ADAMTS6: variants seen among roughly 807,000 people sequenced by gnomAD.
ADAMTS6 encodes the protein A disintegrin and metalloproteinase with thrombospondin motifs 6.
ADAMTS6 carries 23 observed loss-of-function variants against 144.3 expected under a neutral mutation model. The observed-to-expected ratio is 0.16, with a 90% CI of 0.11 to 0.23. The LOEUF (loss-of-function observed/expected upper bound fraction) is 0.23, where lower values mean the gene tolerates loss of function less well. Among genes scored for constraint, ADAMTS6 ranks in the 10% least tolerant of loss-of-function variants. ADAMTS6 has a pLI of 1.00. For synonymous variants in ADAMTS6, 444 were observed against 457.5 expected, an observed-to-expected ratio of 0.97 and a Z score of 0.38; for missense variants, 999 against 1,379.6, an observed-to-expected ratio of 0.72 and a Z score of 4.37.
At chr5:65,341,631 T>C (rs1747835203) in intron 7 of ADAMTS6, among the ~76,000 whole-genome samples, 1 of 152,048 alleles carries the variant, frequency 6.6e-6, no homozygotes, top group African/African-American at 2.4e-5. Flanking sequence ...ACATGCAACT[T>C]ACTAAGGTTG....
At chr5:65,250,223 C>T (rs188727053) in intron 14 of ADAMTS6, among the ~76,000 whole-genome samples, 1 of 152,306 alleles carries the variant, frequency 6.6e-6, no homozygotes, top group East Asian at 1.9e-4. Context: ...TGTCAAACAA[C>T]TCTGCAAGTT....
chr5:65,453,039 G>T, intron 4 of ADAMTS6, 121 bp from the exon 5 acceptor site: 2 of 763,752 alleles, frequency 2.6e-6, no homozygotes, highest in Non-Finnish European at 3.9e-6. Context: ...AAAGAGAAGA[G>T]AATGAGAAAA....
At chr5:65,177,063 G>T (rs1754024054) in intron 22 of ADAMTS6, among the ~76,000 whole-genome samples, 1 of 152,136 alleles carries the variant, frequency 6.6e-6, no homozygotes, top group African/African-American at 2.4e-5. Context: ...CCAGCCTGAA[G>T]ATCACCTTCT....
chr5:65,190,020 T>A (rs932595036), intron 21 of ADAMTS6, among the ~76,000 whole-genome samples: 1 of 152,256 alleles, frequency 6.6e-6, no homozygotes, highest in Non-Finnish European at 1.5e-5. Context: ...CAGTTTTGTA[T>A]ACGGAAGATA....
intron 6 of ADAMTS6, 148 bp from the exon 7 acceptor site, chr5:65,451,768 C>G: frequency 3.3e-6 from 3 of 913,166 alleles, no homozygotes; most frequent in Non-Finnish European, 4.9e-6. Context: ...AATATCTGAC[C>G]TAGAGCTCAT....
At chr5:65,452,577 C>T in intron 5 of ADAMTS6, 130 bp downstream of exon 5, 1 of 912,954 alleles carries the variant, frequency 1.1e-6, no homozygotes, top group South Asian at 1.9e-5. Context: ...TGAAACATTA[C>T]TAGACCAATT....
chr5:65,428,663 G>C (rs1239476492), intron 7 of ADAMTS6, among the ~76,000 whole-genome samples: 1 of 152,130 alleles, frequency 6.6e-6, no homozygotes, highest in Non-Finnish European at 1.5e-5. Context: ...TTGCATGTTT[G>C]AATTTTCCTG....
At position 65,291,484 on chromosome 5, in the gene ADAMTS6, AG is replaced by A. The variant is rs535888832; in HGVS notation, c.1371-15del. On this transcript the variant is annotated splice_polypyrimidine_tract_variant and intron_variant, in intron 10 of 24. Coordinates refer to ENST00000381055, the MANE Select transcript of ADAMTS6 (RefSeq NM_197941.4). ...CCACGGCCTGAACTGTTCAACATAA[AG>A]GATCAAAGGAAATTAGGTATTCTAT... 4,093 of 1,587,760 alleles carry A rather than the reference AG, an allele frequency of 2.6e-3. 5 individuals are homozygous for A. Among genetic ancestry groups the A allele is most frequent in the Non-Finnish European group, 3.2e-3 (3,731 of 1,168,292 alleles).
At chr5:65,271,194 C>G (rs1158873125) in intron 12 of ADAMTS6, among the ~76,000 whole-genome samples, 5 of 151,820 alleles carry the variant, frequency 3.3e-5, no homozygotes, top group African/African-American at 1.2e-4. Context: ...TGGAGACCAG[C>G]CTGGCCAAAG....
chr5:65,247,838 T>C (rs1383978276), intron 14 of ADAMTS6, among the ~76,000 whole-genome samples: 1 of 152,164 alleles, frequency 6.6e-6, no homozygotes, highest in South Asian at 2.1e-4. Flanking sequence ...TCATACCAAA[T>C]TCACTCTTGC....
chr5:65,292,358 C>T (rs1343740385), intron 10 of ADAMTS6, among the ~76,000 whole-genome samples: 1 of 149,834 alleles, frequency 6.7e-6, no homozygotes, highest in Non-Finnish European at 1.5e-5. Flanking sequence ...TTTTTTCCAA[C>T]ATTCCTGTCC....
At chr5:65,180,689 T>C (rs750509452) in intron 22 of ADAMTS6, among the ~76,000 whole-genome samples, 5 of 148,018 alleles carry the variant, frequency 3.4e-5, no homozygotes, top group Non-Finnish European at 7.4e-5. Flanking sequence ...AATCCAATTA[T>C]ACTGCATTTT....
chr5:65,287,216 C>T (rs1741755603), intron 11 of ADAMTS6, among the ~76,000 whole-genome samples: 1 of 152,098 alleles, frequency 6.6e-6, no homozygotes, highest in South Asian at 2.1e-4. Context: ...TTTCAGACAT[C>T]TGATAACTTA....
chr5:65,407,708 T>C (rs987693806), intron 7 of ADAMTS6, among the ~76,000 whole-genome samples: 4 of 152,054 alleles, frequency 2.6e-5, no homozygotes, highest in Non-Finnish European at 5.9e-5. Context: ...ATGGTGTATA[T>C]ATGCCACATT....
At chr5:65,400,150 T>C (rs1000197784) in intron 7 of ADAMTS6, among the ~76,000 whole-genome samples, 6 of 150,774 alleles carry the variant, frequency 4.0e-5, no homozygotes, top group African/African-American at 1.2e-4. Flanking sequence ...ATAGGTAAGA[T>C]TTTTTTTTCT....
intron 11 of ADAMTS6, among the ~76,000 whole-genome samples, chr5:65,279,853 C>CCTAT (rs1178626971): frequency 1.3e-5 from 2 of 152,150 alleles, no homozygotes; most frequent in Non-Finnish European, 2.9e-5. Flanking sequence ...CATTAATCTT[C>CCTAT]CTATCTGTCA....
rs147587387 is a variant in ADAMTS6, at chr5:65,411,249, T to C, written c.1073+40226A>G. On this transcript the variant is annotated intron_variant, in intron 7 of 24. Coordinates refer to ENST00000381055, the MANE Select transcript of ADAMTS6 (RefSeq NM_197941.4). ...TTGATTTGCTGTGCTGCAGTGAACA[T>C]GGGAGTGCACGTATCTCTTCAACAT... Among the ~76,000 whole-genome samples, 430 of 152,290 alleles carry C rather than the reference T, an allele frequency of 2.8e-3. 2 individuals are homozygous for C. Among genetic ancestry groups the C allele is most frequent in the African/African-American group, 9.9e-3 (410 of 41,546 alleles).
At chr5:65,391,464 A>C (rs931121379) in intron 7 of ADAMTS6, among the ~76,000 whole-genome samples, 1 of 151,100 alleles carries the variant, frequency 6.6e-6, no homozygotes, top group Non-Finnish European at 1.5e-5. Context: ...TTTTTTCTCA[A>C]CTATTTGAAA....
intron 18 of ADAMTS6, among the ~76,000 whole-genome samples, chr5:65,219,535 T>G (rs774636219): frequency 6.6e-6 from 1 of 152,158 alleles, no homozygotes; most frequent in Non-Finnish European, 1.5e-5. Flanking sequence ...AGAAGACAGC[T>G]GGGGTAGCTA....
Sources: allele counts gnomAD v4.1 joint callset (sites outside exome capture counted in the v4.1 genomes callset), GRCh38; gene constraint gnomAD v4.1.1; transcripts MANE v1.5; gene names NCBI Gene and HGNC (gene_info 2026-07-23, HGNC 2026-07-21).